VRK2: variants seen among roughly 807,000 people sequenced by gnomAD.
VRK2 encodes the protein serine/threonine-protein kinase VRK2.
VRK2 carries 60 observed loss-of-function variants against 57.6 expected under a neutral mutation model. That is an observed-to-expected ratio of 1.04 (90% CI 0.85 to 1.29). The LOEUF (loss-of-function observed/expected upper bound fraction) is 1.29, where lower values mean the gene tolerates loss of function less well. Ranked by LOEUF, VRK2 falls within the 50% of genes most tolerant of loss-of-function variation. VRK2 has a pLI of 0.00. For missense variants in VRK2, 705 were observed against 588.1 expected (o/e 1.20, Z -2.06); for synonymous variants, 231 against 199.2 (o/e 1.16, Z -1.35).
intron 1 of VRK2, among the ~76,000 whole-genome samples, chr2:57,959,972 G>T (rs780977411): frequency 6.6e-6 from 1 of 151,150 alleles, no homozygotes; most frequent in Non-Finnish European, 1.5e-5. Context: ...GATCATCCGA[G>T]CCCTGGGGTG....
intron 1 of VRK2, among the ~76,000 whole-genome samples, chr2:57,960,593 T>C (rs1671727706): frequency 6.6e-6 from 1 of 152,220 alleles, no homozygotes; most frequent in Non-Finnish European, 1.5e-5. Context: ...TAGGTTCATA[T>C]CTATGGTCAT....
At position 58,084,931 on chromosome 2, in the gene VRK2, A is replaced by G. The variant is rs1558614749; in HGVS notation, c.237A>G (p.Arg79=). ...PLFSELKFYQ[R]VAKKDCIKKW... is the part of the protein sequence containing the mutation. ...TTTCAGAACTTAAATTTTATCAGAG[A>G]GTTGCAAAAAAAGACTGTAGTAAGT... Residue 79 remains arginine, a synonymous_variant, in exon 4 of 13, where the codon AGA becomes AGG. Transcript: ENST00000340157. The G allele has an allele frequency of 1.3e-6, 2 of 1,589,460 alleles. No homozygotes were observed. Among genetic ancestry groups the G allele is most frequent in the Non-Finnish European group, 8.6e-7 (1 of 1,168,128 alleles).
At chr2:58,012,343 C>A (rs1194834485) in intron 1 of VRK2, among the ~76,000 whole-genome samples, 1 of 152,192 alleles carries the variant, frequency 6.6e-6, no homozygotes, top group Non-Finnish European at 1.5e-5. Flanking sequence ...TTCTTTCTTG[C>A]ATGAGATCCA....
chr2:58,142,536 T>C (rs1198008071), intron 11 of VRK2, among the ~76,000 whole-genome samples: 1 of 151,778 alleles, frequency 6.6e-6, no homozygotes, highest in African/African-American at 2.4e-5. Context: ...CTGAAGTCAC[T>C]TGCTAGTAGT....
In VRK2 at chr2:58,070,258, C is replaced by T. The variant is rs375953559; in HGVS notation, c.137-13831C>T. On this transcript the variant is annotated intron_variant, in intron 2 of 12. Coordinates refer to ENST00000340157, the MANE Select transcript of VRK2 (RefSeq NM_006296.7). ...TGAGATGGAGTCTTGGTGTGTTACC[C>T]ATGCTGGTCTTGAACTCCTAGGCTC... 9.9e-5 allele frequency among the ~76,000 whole-genome samples: 15 copies of T among 152,136 alleles called. No individual in the cohort carries two copies. The East Asian group carries it at 2.7e-3, about 27-fold the overall frequency.
rs1395894250 is a variant in VRK2, at chr2:58,095,078, G to A, written c.543+5355G>A. Among the ~76,000 whole-genome samples, 6 of 152,166 alleles carry A rather than the reference G, an allele frequency of 3.9e-5. No individual in the cohort carries two copies. In the South Asian group the frequency reaches 1.0e-3, roughly 26 times the overall value. On this transcript the variant is annotated intron_variant, in intron 7 of 12. Transcript: ENST00000340157. ...TGGGAGGCTGAGGCAGGTGGATCAC[G>A]AGGTCAGGAGATAGAGACCATCCTG...
At chr2:58,079,190 C>T (rs916611845) in intron 2 of VRK2, among the ~76,000 whole-genome samples, 1 of 152,052 alleles carries the variant, frequency 6.6e-6, no homozygotes, top group Non-Finnish European at 1.5e-5. Context: ...TTTTGCTTCT[C>T]CCAGTACTAT....
rs1183657847 is a variant in VRK2, at chr2:58,157,345, T to C, written c.1183-2004T>C. Among the ~76,000 whole-genome samples, 4 of 152,112 alleles carry C rather than the reference T, an allele frequency of 2.6e-5. No homozygotes were observed. The East Asian group carries it at 7.7e-4, about 29-fold the overall frequency. ...TTTCTTGACAGCTGCACTGTTGACA[T>C]TTGGGAGCTGAGCTGTTATTTGTTG... is the stretch of plus-strand genomic sequence containing the variant. On this transcript the variant is annotated intron_variant, in intron 12 of 12. Coordinates refer to ENST00000340157, the MANE Select transcript of VRK2 (RefSeq NM_006296.7).
intron 3 of VRK2, among the ~76,000 whole-genome samples, chr2:58,037,383 T>A (rs1674310731): frequency 6.6e-6 from 1 of 152,086 alleles, no homozygotes; most frequent in African/African-American, 2.4e-5. Flanking sequence ...TCAAGGTCTA[T>A]AGGCCCTAAG....
chr2:57,954,526 A>C (rs975629736), intron 1 of VRK2, among the ~76,000 whole-genome samples: 2 of 152,022 alleles, frequency 1.3e-5, no homozygotes, highest in Non-Finnish European at 2.9e-5. Context: ...TTCAATATGC[A>C]GTGTTTTTTT....
chr2:58,117,986 A>C (rs1421016515), intron 7 of VRK2, among the ~76,000 whole-genome samples: 1 of 152,128 alleles, frequency 6.6e-6, no homozygotes, highest in Non-Finnish European at 1.5e-5. Flanking sequence ...GAATTGGGGC[A>C]CAGAGATAAG....
chr2:58,010,270 T>G (rs4672228), intron 1 of VRK2, among the ~76,000 whole-genome samples: 7 of 152,074 alleles, frequency 4.6e-5, no homozygotes, highest in African/African-American at 1.7e-4. Flanking sequence ...AAAATAGAGA[T>G]GATGATCATC....
chr2:58,076,169 G>GT, intron 2 of VRK2, among the ~76,000 whole-genome samples: 1 of 147,698 alleles, frequency 6.8e-6, no homozygotes, highest in Admixed American at 6.8e-5. Flanking sequence ...CTACAGTTGA[G>GT]TGTTCCTACT....
At chr2:58,036,833 T>C (rs1322519323) in intron 3 of VRK2, among the ~76,000 whole-genome samples, 3 of 152,088 alleles carry the variant, frequency 2.0e-5, no homozygotes, top group African/African-American at 7.2e-5. Context: ...TATTTTATAA[T>C]CTATACTGTC....
intron 1 of VRK2, chr2:58,048,379 T>C: frequency 2.8e-6 from 1 of 354,774 alleles, no homozygotes; most frequent in Non-Finnish European, 5.2e-6. Context: ...ATTGTCTGTG[T>C]CTTCCCAATC....
chr2:57,929,738 CT>C (rs1403472618), intron 1 of VRK2, among the ~76,000 whole-genome samples: 3 of 152,110 alleles, frequency 2.0e-5, no homozygotes, highest in Non-Finnish European at 4.4e-5. Context: ...GGTGTCATTG[CT>C]GATTATTCAG....
intron 1 of VRK2, among the ~76,000 whole-genome samples, chr2:58,019,441 A>G (rs551611350): frequency 2.0e-4 from 31 of 152,316 alleles, no homozygotes; most frequent in Admixed American, 9.2e-4. Context: ...TGAGATATAG[A>G]CAAGTGAGAC....
intron 2 of VRK2, among the ~76,000 whole-genome samples, chr2:58,078,992 C>T (rs1386594374): frequency 2.6e-5 from 4 of 152,076 alleles, no homozygotes; most frequent in African/African-American, 7.2e-5. Context: ...CATTTTTAAA[C>T]TGGACTTTTG....
chr2:58,036,249 GTA>G (rs1558552383), intron 3 of VRK2, among the ~76,000 whole-genome samples: 2 of 151,800 alleles, frequency 1.3e-5, no homozygotes. Flanking sequence ...AGGAAAGGGA[GTA>G]TTTTTGATAT....
Sources: allele counts gnomAD v4.1 joint callset (sites outside exome capture counted in the v4.1 genomes callset), GRCh38; gene constraint gnomAD v4.1.1; transcripts MANE v1.5; gene names NCBI Gene and HGNC (gene_info 2026-07-23, HGNC 2026-07-21).